Variants in POU6F2 observed in about 807,000 individuals in gnomAD.
POU6F2 encodes POU domain, class 6, transcription factor 2.
A neutral mutation model predicts 71.3 loss-of-function variants in POU6F2; 31 were observed. The ratio of observed to expected loss-of-function variants is 0.43; its 90% CI spans 0.33 to 0.59. The LOEUF is 0.59. POU6F2 is among the 20% of genes least tolerant of loss of function. POU6F2 has a pLI of 0.04. For synonymous variants in POU6F2, 347 were observed against 355.7 expected (o/e 0.98, Z 0.27); for missense variants, 783 against 856.8 (o/e 0.91, Z 1.07).
At chr7:39,323,285 A>G (rs1172129602) in intron 4 of POU6F2, among the ~76,000 whole-genome samples, 2 of 152,200 alleles carry the variant, frequency 1.3e-5, no homozygotes, top group Non-Finnish European at 2.9e-5. Context: ...CAGCAAGAGG[A>G]CAGCTGCACT....
intron 5 of POU6F2, among the ~76,000 whole-genome samples, chr7:39,348,574 A>G (rs1467790716): frequency 6.6e-6 from 1 of 152,222 alleles, no homozygotes; most frequent in African/African-American, 2.4e-5. Context: ...CAACGGCTGA[A>G]TTGGGATTCC....
At chr7:39,225,018 A>G (rs541647146) in intron 4 of POU6F2, among the ~76,000 whole-genome samples, 1 of 152,366 alleles carries the variant, frequency 6.6e-6, no homozygotes, top group African/African-American at 2.4e-5. Flanking sequence ...TTCTCACTTG[A>G]AATATTTCAA....
chr7:39,429,613 G>A (rs577636764), intron 6 of POU6F2, among the ~76,000 whole-genome samples: 9 of 152,222 alleles, frequency 5.9e-5, no homozygotes, highest in Non-Finnish European at 1.2e-4. Context: ...AGGAATCCTC[G>A]GCATTTCAGG....
intron 2 of POU6F2, among the ~76,000 whole-genome samples, chr7:39,191,029 C>A (rs994592347): frequency 6.6e-6 from 1 of 152,182 alleles, no homozygotes; most frequent in Non-Finnish European, 1.5e-5. Context: ...AGAAATTGTA[C>A]GTCAAAATCT....
At chr7:39,351,593 T>C (rs1177221417) in intron 5 of POU6F2, among the ~76,000 whole-genome samples, 1 of 152,200 alleles carries the variant, frequency 6.6e-6, no homozygotes, top group African/African-American at 2.4e-5. Context: ...ATCTAGTTTA[T>C]AGTAGGGCTT....
At chr7:39,336,731 A>G (rs1388171004) in intron 4 of POU6F2, among the ~76,000 whole-genome samples, 3 of 152,182 alleles carry the variant, frequency 2.0e-5, no homozygotes, top group Admixed American at 6.5e-5. Flanking sequence ...TTCACACCCA[A>G]TCCACCAGTT....
At chr7:39,106,773 A>G (rs998204787) in intron 2 of POU6F2, among the ~76,000 whole-genome samples, 4 of 152,216 alleles carry the variant, frequency 2.6e-5, no homozygotes, top group Admixed American at 2.6e-4. Flanking sequence ...GCAAATTTAT[A>G]CAACTATGAA....
At chr7:39,156,659 T>C (rs1792875988) in intron 2 of POU6F2, among the ~76,000 whole-genome samples, 1 of 152,196 alleles carries the variant, frequency 6.6e-6, no homozygotes, top group Non-Finnish European at 1.5e-5. Flanking sequence ...TGGAATCTTC[T>C]AGACAGTCAT....
At chr7:39,316,315 T>C (rs2128767982) in intron 4 of POU6F2, among the ~76,000 whole-genome samples, 1 of 152,278 alleles carries the variant, frequency 6.6e-6, no homozygotes, top group South Asian at 2.1e-4. Flanking sequence ...GTGTTTTGAT[T>C]TCCTTTTTTA....
chr7:39,428,429 T>G (rs1478729275), intron 6 of POU6F2, among the ~76,000 whole-genome samples: 1 of 152,214 alleles, frequency 6.6e-6, no homozygotes, highest in African/African-American at 2.4e-5. Flanking sequence ...TTTTCAGAGA[T>G]GAATCACCAC....
At chr7:39,155,531 A>C (rs1229406077) in intron 2 of POU6F2, among the ~76,000 whole-genome samples, 1 of 152,182 alleles carries the variant, frequency 6.6e-6, no homozygotes, top group Non-Finnish European at 1.5e-5. Flanking sequence ...TCAACTTGCA[A>C]ATCATAAGCT....
intron 2 of POU6F2, among the ~76,000 whole-genome samples, chr7:39,122,223 C>A (rs986972867): frequency 1.3e-5 from 2 of 152,210 alleles, no homozygotes; most frequent in Admixed American, 1.3e-4. Context: ...AAGTCGTGAG[C>A]TTAACTTGTG....
chr7:39,213,839 G>A (rs994917964), intron 4 of POU6F2, among the ~76,000 whole-genome samples: 2 of 152,206 alleles, frequency 1.3e-5, no homozygotes, highest in Non-Finnish European at 2.9e-5. Context: ...GGTGTCTCTA[G>A]GGAAGCACCT....
chr7:39,295,354 G>C (rs566223570), intron 4 of POU6F2, among the ~76,000 whole-genome samples: 1 of 152,158 alleles, frequency 6.6e-6, no homozygotes, highest in Non-Finnish European at 1.5e-5. Flanking sequence ...GGTGGCTCAC[G>C]CCTGTAATCC....
intron 5 of POU6F2, among the ~76,000 whole-genome samples, chr7:39,380,236 A>T (rs1786799237): frequency 1.3e-5 from 2 of 152,190 alleles, no homozygotes; most frequent in African/African-American, 4.8e-5. Flanking sequence ...AGTGAGTGAG[A>T]CCCAGATTCT....
intron 1 of POU6F2, among the ~76,000 whole-genome samples, chr7:39,028,524 A>C (rs1789868199): frequency 6.6e-6 from 1 of 152,124 alleles, no homozygotes; most frequent in Non-Finnish European, 1.5e-5. Context: ...TCTAGTTGAA[A>C]TTTTGTTTTG....
chr7:39,311,257 G>A lies in POU6F2; in HGVS notation c.599-28385G>A, dbSNP rs1185637775. Reference sequence around the variant, plus strand: ...GGTCACATTGGGTACATGTTATACAGGCAAAAAGCAGCCAGGTTCTAAAAA... The same window carrying A: ...GGTCACATTGGGTACATGTTATACAAGCAAAAAGCAGCCAGGTTCTAAAAA... On this transcript the variant is annotated intron_variant, in intron 4 of 9. Transcript: ENST00000518318. 2.7e-5 allele frequency among the ~76,000 whole-genome samples: 4 copies of A among 150,780 alleles called. No individual in the cohort carries two copies. In the East Asian group the frequency reaches 7.7e-4, roughly 29 times the overall value.
intron 2 of POU6F2, among the ~76,000 whole-genome samples, chr7:39,150,149 T>C (rs552597061): frequency 6.6e-6 from 1 of 152,092 alleles, no homozygotes; most frequent in Non-Finnish European, 1.5e-5. Context: ...CCTCGGCCTC[T>C]CAAAGTGCTG....
At chr7:38,989,801 T>TTGTG (rs375334324) in intron 1 of POU6F2, among the ~76,000 whole-genome samples, 18 of 143,144 alleles carry the variant, frequency 1.3e-4, no homozygotes, top group Admixed American at 4.4e-4. Flanking sequence ...CTGTGTGTGT[T>TTGTG]TGTGTGTGTG....
Sources: allele counts gnomAD v4.1 joint callset (sites outside exome capture counted in the v4.1 genomes callset), GRCh38; gene constraint gnomAD v4.1.1; transcripts MANE v1.5; gene names NCBI Gene and HGNC (gene_info 2026-07-23, HGNC 2026-07-21).